Variants in PUM2 observed in about 807,000 individuals in gnomAD.
PUM2 encodes pumilio homolog 2.
In PUM2, 57 loss-of-function variants were observed where a neutral mutation model predicts 124.5. The observed-to-expected ratio is 0.46, with a 90% CI of 0.37 to 0.57. The LOEUF (loss-of-function observed/expected upper bound fraction) is 0.57. Ranked by LOEUF, PUM2 falls within the 20% of genes least tolerant of loss-of-function variation. PUM2 has a pLI of 0.00. For synonymous variants in PUM2, 460 were observed against 446.1 expected (o/e 1.03, Z -0.39); for missense variants, 1,065 against 1,290.6 (o/e 0.83, Z 2.68).
At chr2:20,318,378 G>A (rs1681504479) in intron 3 of PUM2, among the ~76,000 whole-genome samples, 159 bp downstream of exon 3, 1 of 152,148 alleles carries the variant, frequency 6.6e-6, no homozygotes, top group South Asian at 2.1e-4. Context: ...AAGGCAGGAG[G>A]ATTGCATGAG....
chr2:20,264,349 AAAAAAAAAAAAAAAAAAAATAT>A (rs1352646798), intron 13 of PUM2, among the ~76,000 whole-genome samples: 1 of 67,708 alleles, frequency 1.5e-5, no homozygotes, highest in Non-Finnish European at 2.8e-5. Context: ...AAAAAAAAAA[AAAAAAAAAAAAAAAAAAAATAT>A]ATATATATAT....
chr2:20,263,133 C>T, intron 14 of PUM2, 60 bp downstream of exon 14: 1 of 1,479,178 alleles, frequency 6.8e-7, no homozygotes, highest in Non-Finnish European at 9.2e-7. Context: ...AAAATTTAAG[C>T]TTTTATAAGG....
At chr2:20,267,539 G>C (rs1290014446) in intron 13 of PUM2, among the ~76,000 whole-genome samples, 1 of 152,162 alleles carries the variant, frequency 6.6e-6, no homozygotes, top group Non-Finnish European at 1.5e-5. Context: ...TCATACTTCT[G>C]CTGCTGGTAG....
At chr2:20,330,574 G>A (rs1684705047) in intron 1 of PUM2, among the ~76,000 whole-genome samples, 1 of 152,212 alleles carries the variant, frequency 6.6e-6, no homozygotes, top group East Asian at 1.9e-4. Context: ...GGTTCCTGGA[G>A]AGTGGCCTGC....
intron 1 of PUM2, among the ~76,000 whole-genome samples, chr2:20,330,090 A>C (rs574648576): frequency 2.6e-5 from 4 of 152,296 alleles, no homozygotes; most frequent in South Asian, 4.1e-4. Context: ...AGAAAAAAAA[A>C]CAACATATTA....
chr2:20,299,718 CA>C (rs1182923863), intron 7 of PUM2, among the ~76,000 whole-genome samples: 1 of 152,118 alleles, frequency 6.6e-6, no homozygotes, highest in African/African-American at 2.4e-5. Flanking sequence ...TATACACAAT[CA>C]TTTTTTGTAG....
At chr2:20,265,249 CAA>C (rs113132877) in intron 13 of PUM2, among the ~76,000 whole-genome samples, 17 of 77,642 alleles carry the variant, frequency 2.2e-4, no homozygotes, top group African/African-American at 3.9e-4. Context: ...GAAACCGTCA[CAA>C]AAAAAAAAAA....
At chr2:20,278,550 T>C in intron 13 of PUM2, 33 bp downstream of exon 13, 1 of 1,514,384 alleles carries the variant, frequency 6.6e-7, no homozygotes, top group South Asian at 1.1e-5. Flanking sequence ...CATGTATACA[T>C]ACAAATAAAA....
At chr2:20,328,677 A>C (rs1684230311) in intron 1 of PUM2, among the ~76,000 whole-genome samples, 1 of 152,218 alleles carries the variant, frequency 6.6e-6, no homozygotes, top group Non-Finnish European at 1.5e-5. Context: ...AAAATATTTA[A>C]AAATTACACT....
intron 2 of PUM2, among the ~76,000 whole-genome samples, chr2:20,323,270 A>C (rs1391786862): frequency 1.3e-5 from 2 of 152,010 alleles, no homozygotes; most frequent in Non-Finnish European, 2.9e-5. Context: ...AACACTGTGA[A>C]ACTCTGTCTC....
intron 2 of PUM2, among the ~76,000 whole-genome samples, chr2:20,325,687 T>C (rs1241741402): frequency 2.0e-5 from 3 of 150,860 alleles, no homozygotes; most frequent in African/African-American, 7.3e-5. Flanking sequence ...AGTGGTGCAA[T>C]CTCGGCTCAC....
At chr2:20,284,186 G>C (rs1186600535) in intron 10 of PUM2, among the ~76,000 whole-genome samples, 1 of 152,264 alleles carries the variant, frequency 6.6e-6, no homozygotes, top group Non-Finnish European at 1.5e-5. Flanking sequence ...TATATAACAA[G>C]CATCACTCTG....
intron 14 of PUM2, among the ~76,000 whole-genome samples, chr2:20,260,972 A>G (rs1446622702): frequency 1.3e-5 from 2 of 152,168 alleles, no homozygotes; most frequent in African/African-American, 4.8e-5. Flanking sequence ...CACATATACA[A>G]TGGTGGTCCC....
rs962620619 is a variant in PUM2, at chr2:20,260,585, T to C, written c.2226-119A>G. The C allele has an allele frequency of 1.7e-5, 15 of 871,620 alleles. No individual in the cohort carries two copies. In the African/African-American group the frequency reaches 2.1e-4, roughly 12 times the overall value. The allele number at this position is 871,620 out of a possible 1,614,324, so 54.0% of individuals were successfully genotyped here. A position where few individuals can be genotyped will look rare whatever the true frequency, so the allele number is the denominator to read the frequency against. ...TCCATAAATATTACCATACTTTATATAGTAGACAGCTAACTTACAGCAAAA... is the reference window on the plus strand; with the variant it reads ...TCCATAAATATTACCATACTTTATACAGTAGACAGCTAACTTACAGCAAAA... On this transcript the variant is annotated intron_variant, in intron 14 of 20. Transcript: ENST00000361078.
chr2:20,308,737 T>C (rs1206084117), intron 5 of PUM2, among the ~76,000 whole-genome samples, 153 bp from the exon 6 acceptor site: 1 of 152,198 alleles, frequency 6.6e-6, no homozygotes, highest in Non-Finnish European at 1.5e-5. Context: ...TTTTTTTCTA[T>C]TTAATATAAC....
Position 20,251,692 on chromosome 2 carries a change from G to A in PUM2, c.3088C>T (p.Arg1030Cys), listed in dbSNP as rs1364306162. 4.3e-6 allele frequency: 7 copies of A among 1,613,016 alleles called. No homozygotes were observed. The highest frequency in any genetic ancestry group is 1.7e-5 in the Admixed American group (1 of 59,970). ...ATATGCTTCCCGTATGTGTATTTGC[G>A]CAAAGTAGTAATGTGAGGTCGAATC... is the stretch of plus-strand genomic sequence containing the variant. ...HKIRPHITTLRKYTYGKHILA... is the reference protein window; with the variant it reads ...HKIRPHITTLCKYTYGKHILA... Residue 1030 changes from arginine to cysteine, a missense_variant, in exon 21 of 21, where the codon CGC (arginine) becomes TGC (cysteine). Coordinates refer to ENST00000361078, the MANE Select transcript of PUM2 (RefSeq NM_015317.5).
intron 12 of PUM2, among the ~76,000 whole-genome samples, chr2:20,280,975 G>T (rs768361060): frequency 2.6e-5 from 4 of 152,114 alleles, no homozygotes; most frequent in East Asian, 1.9e-4. Flanking sequence ...CATCATAGAG[G>T]TAAGAGAAGG....
chr2:20,288,239 G>C (rs1164248018), intron 10 of PUM2, among the ~76,000 whole-genome samples: 1 of 152,206 alleles, frequency 6.6e-6, no homozygotes, highest in Non-Finnish European at 1.5e-5. Flanking sequence ...AGAGGAAGCA[G>C]AGACTGATAA....
At chr2:20,272,031 C>T (rs928335136) in intron 13 of PUM2, among the ~76,000 whole-genome samples, 1 of 152,068 alleles carries the variant, frequency 6.6e-6, no homozygotes, top group Non-Finnish European at 1.5e-5. Context: ...TGCTGGCAGG[C>T]GCCTGTAATC....
Sources: gnomAD v4.1 joint callset for allele counts (sites outside exome capture counted in the v4.1 genomes callset) on GRCh38, gnomAD v4.1.1 for gene constraint, MANE v1.5 for transcripts, NCBI Gene and HGNC (gene_info 2026-07-23, HGNC 2026-07-21) for gene names.